The following CNTNAP5 variants were observed in gnomAD, a reference collection of about 807,000 sequenced individuals.
The protein encoded by CNTNAP5 is contactin associated protein family member 5.
CNTNAP5 carries 72 observed loss-of-function variants against 150.2 expected under a neutral mutation model. The ratio of observed to expected loss-of-function variants is 0.48; its 90% CI spans 0.40 to 0.58. The LOEUF is 0.58. Among genes scored for constraint, CNTNAP5 ranks in the 20% least tolerant of loss-of-function variants. The pLI, the probability that CNTNAP5 is intolerant of heterozygous loss-of-function variation, is 0.00. For missense variants in CNTNAP5, 1,636 were observed against 1,626.2 expected, an observed-to-expected ratio of 1.01 and a Z score of -0.10; for synonymous variants, 672 against 619.8, an observed-to-expected ratio of 1.08 and a Z score of -1.25.
At chr2:124,795,581 A>C (rs985983424) in intron 18 of CNTNAP5, among the ~76,000 whole-genome samples, 19 of 152,084 alleles carry the variant, frequency 1.2e-4, no homozygotes, top group African/African-American at 4.3e-4. Context: ...GCAATGGCGC[A>C]ATCTCAGCTC....
In CNTNAP5 at chr2:124,358,589, T is replaced by G. The variant is rs35302216; in HGVS notation, c.382-58854T>G. On this transcript the variant is annotated intron_variant, in intron 3 of 23. Transcript: ENST00000682447. ...TGTGGTTTTTGTCTTTGGCTCTGTT[T>G]ATATGATGGATTACATTTACTGATT... 9.7e-3 allele frequency among the ~76,000 whole-genome samples: 1,482 copies of G among 152,354 alleles called. 15 individuals carry two copies. Among genetic ancestry groups the G allele is most frequent in the Admixed American group, 0.018 (268 of 15,306 alleles).
At chr2:124,084,915 A>C (rs1457425905) in intron 1 of CNTNAP5, among the ~76,000 whole-genome samples, 1 of 46,708 alleles carries the variant, frequency 2.1e-5, no homozygotes, top group Non-Finnish European at 4.5e-5. Context: ...TTATGAATTC[A>C]AGTTTCCTGT....
intron 2 of CNTNAP5, among the ~76,000 whole-genome samples, chr2:124,226,082 G>A (rs139231697): frequency 6.6e-6 from 1 of 152,092 alleles, no homozygotes; most frequent in East Asian, 1.9e-4. Context: ...ACATTGGATT[G>A]CAGATATCTC....
chr2:124,035,860 C>T (rs1267610090), intron 1 of CNTNAP5, among the ~76,000 whole-genome samples: 2 of 149,748 alleles, frequency 1.3e-5, no homozygotes, highest in South Asian at 2.1e-4. Flanking sequence ...ACTTCGTGGT[C>T]TCTCTCCTCA....
chr2:124,785,535 CAGTGG>C (rs1005784761), intron 17 of CNTNAP5, among the ~76,000 whole-genome samples: 1 of 152,142 alleles, frequency 6.6e-6, no homozygotes, highest in African/African-American at 2.4e-5. Flanking sequence ...GTAGGACAAA[CAGTGG>C]AGTGCATGGG....
At chr2:124,614,403 G>T (rs1677452372) in intron 12 of CNTNAP5, among the ~76,000 whole-genome samples, 1 of 152,124 alleles carries the variant, frequency 6.6e-6, no homozygotes, top group South Asian at 2.1e-4. Context: ...GAAAGTAAAA[G>T]AATAAAGAAT....
intron 1 of CNTNAP5, among the ~76,000 whole-genome samples, chr2:124,102,852 G>T (rs1031246885): frequency 6.6e-6 from 1 of 152,156 alleles, no homozygotes; most frequent in Non-Finnish European, 1.5e-5. Flanking sequence ...ACAGTGGTTG[G>T]TACATGCAAA....
chr2:124,715,450 T>G (rs954900920), intron 13 of CNTNAP5, among the ~76,000 whole-genome samples: 1 of 152,148 alleles, frequency 6.6e-6, no homozygotes, highest in African/African-American at 2.4e-5. Context: ...ATTATGATCC[T>G]GAATGTCTTA....
At chr2:124,760,201 A>G (rs1680929444) in intron 14 of CNTNAP5, among the ~76,000 whole-genome samples, 1 of 151,752 alleles carries the variant, frequency 6.6e-6, no homozygotes, top group Non-Finnish European at 1.5e-5. Flanking sequence ...TCACATAAGG[A>G]CTTCAAAGGG....
intron 2 of CNTNAP5, among the ~76,000 whole-genome samples, chr2:124,230,601 G>A (rs1276799267): frequency 2.0e-5 from 3 of 150,864 alleles, no homozygotes; most frequent in Non-Finnish European, 2.9e-5. Context: ...GCATGATCTC[G>A]GCTCACTGCA....
intron 13 of CNTNAP5, among the ~76,000 whole-genome samples, chr2:124,670,587 TTGTTGTTGTTTG>T (rs1678801894): frequency 2.0e-5 from 3 of 146,462 alleles, no homozygotes; most frequent in African/African-American, 7.9e-5. Flanking sequence ...TATTTTCTTG[TTGTTGTTGTTTG>T]TACTTTTGAT....
At chr2:124,663,827 T>G (rs1360303229) in intron 13 of CNTNAP5, among the ~76,000 whole-genome samples, 2 of 152,274 alleles carry the variant, frequency 1.3e-5, no homozygotes, top group East Asian at 3.9e-4. Flanking sequence ...AATAGCAACA[T>G]TCCACAATGA....
intron 10 of CNTNAP5, among the ~76,000 whole-genome samples, chr2:124,558,104 T>C (rs1341467713): frequency 1.3e-5 from 2 of 152,160 alleles, no homozygotes; most frequent in Non-Finnish European, 2.9e-5. Context: ...TCCCCCTTGC[T>C]CTTGTGTTGG....
intron 17 of CNTNAP5, among the ~76,000 whole-genome samples, chr2:124,777,171 A>T (rs1005472501): frequency 1.3e-5 from 2 of 151,832 alleles, no homozygotes; most frequent in Non-Finnish European, 2.9e-5. Context: ...GATGAAGAAC[A>T]CCTGGGTTTG....
At chr2:124,685,271 C>T (rs1394316297) in intron 13 of CNTNAP5, among the ~76,000 whole-genome samples, 1 of 152,092 alleles carries the variant, frequency 6.6e-6, no homozygotes, top group Non-Finnish European at 1.5e-5. Flanking sequence ...ACATTATTTC[C>T]ATTTTCCTGT....
At chr2:124,751,588 A>T (rs113296790) in intron 14 of CNTNAP5, among the ~76,000 whole-genome samples, 60 of 152,266 alleles carry the variant, frequency 3.9e-4, no homozygotes, top group Admixed American at 3.3e-4. Context: ...CATACATGCA[A>T]CTTATTTCTT....
Position 124,504,471 on chromosome 2 carries a change from G to T in CNTNAP5, c.1242G>T (p.Ser414=). Residue 414 remains serine (S), a synonymous_variant, in exon 8 of 24, where the codon TCG becomes TCT. Transcript: ENST00000682447. ...LLLSTELSEG[S]GTLLLSLEGG... is the part of the protein sequence containing the mutation. The stretch of plus-strand genomic sequence containing the variant: ...TGTCCACAGAGCTGTCTGAGGGCTC[G>T]GGAACCCTGCTGCTGAGCCTGGAGG... 6.2e-7 allele frequency: 1 copy of T among 1,613,744 alleles called. No homozygotes were observed. The highest frequency in any genetic ancestry group is 8.5e-7 in the Non-Finnish European group (1 of 1,179,830).
chr2:124,096,970 C>A (rs1682953336), intron 1 of CNTNAP5, among the ~76,000 whole-genome samples: 2 of 152,090 alleles, frequency 1.3e-5, no homozygotes, highest in Non-Finnish European at 2.9e-5. Flanking sequence ...TCCCAAAGTG[C>A]TAGGATTACA....
At chr2:124,089,003 G>C (rs1682759869) in intron 1 of CNTNAP5, among the ~76,000 whole-genome samples, 1 of 152,086 alleles carries the variant, frequency 6.6e-6, no homozygotes, top group Non-Finnish European at 1.5e-5. Context: ...GAGAGAACAG[G>C]CTTGTTTTGG....
Sources: allele counts gnomAD v4.1 joint callset (sites outside exome capture counted in the v4.1 genomes callset), GRCh38; gene constraint gnomAD v4.1.1; transcripts MANE v1.5; gene names NCBI Gene and HGNC (gene_info 2026-07-23, HGNC 2026-07-21).